EPHB4: variants seen among roughly 807,000 people sequenced by gnomAD.
EPHB4 encodes EPH receptor B4.
EPHB4 carries 50 observed loss-of-function variants against 110.6 expected under a neutral mutation model. That is an observed-to-expected ratio of 0.45 (90% CI 0.36 to 0.57). The LOEUF (loss-of-function observed/expected upper bound fraction) is 0.57, where lower values mean the gene tolerates loss of function less well. Ranked by LOEUF, EPHB4 falls within the 20% of genes least tolerant of loss-of-function variation. The pLI is 0.00. For missense variants in EPHB4, 1,128 were observed against 1,382.1 expected, an observed-to-expected ratio of 0.82 and a Z score of 2.91; for synonymous variants, 592 against 578.4, an observed-to-expected ratio of 1.02 and a Z score of -0.34.
chr7:100,818,156 C>T (rs1287541106), intron 7 of EPHB4, among the ~76,000 whole-genome samples: 1 of 151,970 alleles, frequency 6.6e-6, no homozygotes, highest in Non-Finnish European at 1.5e-5. Context: ...CGTAAGCTAC[C>T]GCGCCCGGCC....
rs761022937 is a variant in EPHB4 at position 100,819,645 on chromosome 7, G to C, written c.1209C>G (p.Thr403=). The part of the protein sequence containing the change: ...VRGLRPDFTY[T]FEVTALNGVS... ...CCCCGTTCAATGCAGTGACCTCAAAGGTATAGGTGAAGTCAGGACGTAGCC... is the reference window on the plus strand; with the variant it reads ...CCCCGTTCAATGCAGTGACCTCAAACGTATAGGTGAAGTCAGGACGTAGCC... The change falls in exon 6 of 17, where the codon ACC becomes ACG. Residue 403 remains threonine, a synonymous_variant. Coordinates refer to ENST00000358173, the MANE Select transcript of EPHB4 (RefSeq NM_004444.5). 2.5e-6 allele frequency: 4 copies of C among 1,613,124 alleles called. No individual in the cohort carries two copies. The highest frequency in any genetic ancestry group is 3.4e-6 in the Non-Finnish European group (4 of 1,179,332).
intron 8 of EPHB4, among the ~76,000 whole-genome samples, chr7:100,816,966 C>A (rs1373152966): frequency 6.6e-6 from 1 of 151,776 alleles, no homozygotes; most frequent in East Asian, 2.0e-4. Context: ...GCCTGTAATC[C>A]CAGCTACTCG....
intron 1 of EPHB4, among the ~76,000 whole-genome samples, chr7:100,826,118 A>G (rs972182021): frequency 6.6e-6 from 1 of 152,166 alleles, no homozygotes; most frequent in Non-Finnish European, 1.5e-5. Flanking sequence ...CAGCTCACTG[A>G]AAGGACATTA....
chr7:100,824,449 C>T (rs1023055762), intron 1 of EPHB4, 176 bp from the exon 2 acceptor site: 1 of 647,562 alleles, frequency 1.5e-6, no homozygotes, highest in Non-Finnish European at 2.7e-6. Flanking sequence ...GCCTCTTCTG[C>T]TAAGTGCCAA....
intron 4 of EPHB4, among the ~76,000 whole-genome samples, chr7:100,820,753 GCAA>G (rs555283392): frequency 2.4e-4 from 37 of 152,288 alleles, no homozygotes; most frequent in Admixed American, 2.3e-3. Context: ...TTGGGCTACA[GCAA>G]CATTTGTGCT....
rs200237754 is a variant in EPHB4 at position 100,823,636 on chromosome 7, C to T, written c.411+8G>A. On this transcript the variant is annotated splice_region_variant and intron_variant, in intron 3 of 16. Coordinates refer to ENST00000358173, the MANE Select transcript of EPHB4 (RefSeq NM_004444.5). Reference sequence around the variant, plus strand: ...GGCTGTGGCTGAGCCCTGGGGGCACCCAGGTACCTTGATGTAGGGGTTCTC... The same window carrying T: ...GGCTGTGGCTGAGCCCTGGGGGCACTCAGGTACCTTGATGTAGGGGTTCTC... 8.1e-6 allele frequency: 13 copies of T among 1,610,202 alleles called. No homozygotes were observed. In the Admixed American group the frequency reaches 1.7e-4, roughly 21 times the overall value.
chr7:100,827,084 C>A lies in EPHB4; in HGVS notation c.-54G>T, dbSNP rs929324650. The A allele has an allele frequency of 1.9e-6, 3 of 1,543,542 alleles. No homozygotes were observed. The highest frequency in any genetic ancestry group is 2.6e-6 in the Non-Finnish European group (3 of 1,142,222). On this transcript the variant is annotated 5_prime_UTR_variant, in exon 1 of 17. Coordinates refer to ENST00000358173, the MANE Select transcript of EPHB4 (RefSeq NM_004444.5). ...ACTGAGTTTGGGGGGCCCTCGCCCC[C>A]CCAGGTCTGACTCTCCCTGGGCGGG... is the stretch of plus-strand genomic sequence containing the variant.
intron 8 of EPHB4, among the ~76,000 whole-genome samples, 177 bp downstream of exon 8, chr7:100,817,015 G>A (rs543994879): frequency 4.4e-4 from 67 of 151,102 alleles, no homozygotes; most frequent in African/African-American, 1.6e-3. Flanking sequence ...TCCGGGAGGC[G>A]GAGGTTGCAG....
In EPHB4 at chr7:100,826,974, C is replaced by T; in HGVS notation, c.52+5G>A. 6.5e-7 allele frequency: 1 copy of T among 1,543,388 alleles called. No individual in the cohort carries two copies. The highest frequency in any genetic ancestry group is 8.8e-7 in the Non-Finnish European group (1 of 1,137,954). ...GGGTGCGCCCCCCCCCGCAAGGAAACTCACCTTCCAAAGCTGCGGCCAACG... is the reference window on the plus strand; with the variant it reads ...GGGTGCGCCCCCCCCCGCAAGGAAATTCACCTTCCAAAGCTGCGGCCAACG... On this transcript the variant is annotated splice_donor_5th_base_variant and intron_variant, in intron 1 of 16. Coordinates refer to ENST00000358173, the MANE Select transcript of EPHB4 (RefSeq NM_004444.5).
At position 100,817,336 on chromosome 7, in the gene EPHB4, C is replaced by G. The variant is rs768820666; in HGVS notation, c.1444G>C (p.Val482Leu). Reference protein sequence around the residue: ...HEKGAEGPSSVRFLKTSENRA... With the variant: ...HEKGAEGPSSLRFLKTSENRA... ...TTTTCTGACGTCTTCAGGAACCGCA[C>G]GCTGCTGGGACCCTCGGCGCCCTGT... The change falls in exon 8 of 17, where the codon GTG becomes CTG. Residue 482 changes from valine (V) to leucine (L), a missense_variant. This residue lies in a region of EPHB4 where 728 missense variants were observed against 828.6 expected (regional missense o/e 0.88). Coordinates refer to ENST00000358173, the MANE Select transcript of EPHB4 (RefSeq NM_004444.5). 5.7e-6 allele frequency: 9 copies of G among 1,580,774 alleles called. No homozygotes were observed. Among genetic ancestry groups the G allele is most frequent in the Middle Eastern group, 1.9e-4 (1 of 5,232 alleles).
At chr7:100,813,542 C>T in intron 10 of EPHB4, 110 bp downstream of exon 10, 1 of 1,193,370 alleles carries the variant, frequency 8.4e-7, no homozygotes, top group Non-Finnish European at 1.2e-6. Context: ...TCTCGAACTC[C>T]TGACCTCAAG....
chr7:100,817,348 C>T lies in EPHB4; in HGVS notation c.1432G>A (p.Gly478Ser), dbSNP rs1295858477. 1 of 1,568,980 alleles carries T rather than the reference C, an allele frequency of 6.4e-7. No homozygotes were observed. The highest frequency in any genetic ancestry group is 1.8e-5 in the Admixed American group (1 of 54,082). Residue 478 changes from glycine (G) to serine (S), a missense_variant, in exon 8 of 17, where the codon GGT (glycine) becomes AGT (serine). By Grantham distance (56) the Gly-to-Ser change is moderately conservative. Transcript: ENST00000358173. ...TTCAGGAACCGCACGCTGCTGGGAC[C>T]CTCGGCGCCCTGTCCGGGAGAGGTA... ...EVKYHEKGAEGPSSVRFLKTS... is the reference protein window; with the variant it reads ...EVKYHEKGAESPSSVRFLKTS...
At chr7:100,813,770 G>A (rs779699452) in intron 9 of EPHB4, 54 bp from the exon 10 acceptor site, 18 of 1,611,234 alleles carry the variant, frequency 1.1e-5, no homozygotes, top group Non-Finnish European at 1.4e-5. Flanking sequence ...ATCTTTATGA[G>A]GCACACACAC....
intron 8 of EPHB4, among the ~76,000 whole-genome samples, chr7:100,814,517 C>G (rs904129210): frequency 6.6e-6 from 1 of 152,118 alleles, no homozygotes; most frequent in African/African-American, 2.4e-5. Flanking sequence ...TAGGCATGCC[C>G]AGCCGCCAGA....
chr7:100,805,803 C>T (rs1301581960), intron 14 of EPHB4, 109 bp from the exon 15 acceptor site: 3 of 1,122,018 alleles, frequency 2.7e-6, no homozygotes, highest in East Asian at 2.9e-5. Flanking sequence ...GCCACAGCCC[C>T]CCAAAAAATA....
At chr7:100,826,744 A>C in intron 1 of EPHB4, 11 of 427,648 alleles carry the variant, frequency 2.6e-5, no homozygotes, top group Admixed American at 7.1e-5. Context: ...GGGCAGGGGA[A>C]TGTCCCGGGT....
At chr7:100,804,407 C>T (rs1280028248) in intron 16 of EPHB4, among the ~76,000 whole-genome samples, 1 of 145,920 alleles carries the variant, frequency 6.9e-6, no homozygotes, top group Non-Finnish European at 1.5e-5. Flanking sequence ...CTCCACCTCC[C>T]GGGTTCAAGC....
intron 8 of EPHB4, among the ~76,000 whole-genome samples, chr7:100,815,002 G>C (rs1813031818): frequency 6.6e-6 from 1 of 151,980 alleles, no homozygotes; most frequent in South Asian, 2.1e-4. Flanking sequence ...GGGTGACAAA[G>C]CAAAATCGTG....
chr7:100,813,030 G>A (rs762681654), intron 11 of EPHB4, 36 bp from the exon 12 acceptor site: 23 of 1,611,994 alleles, frequency 1.4e-5, no homozygotes, highest in East Asian at 2.2e-5. Context: ...CAGCTCTCCC[G>A]CTCCAGTGTG....
Sources: gnomAD v4.1 joint callset for allele counts (sites outside exome capture counted in the v4.1 genomes callset) on GRCh38, gnomAD v4.1.1 for gene constraint, gnomAD v4.1.1 regional missense constraint, MANE v1.5 for transcripts, NCBI Gene and HGNC (gene_info 2026-07-23, HGNC 2026-07-21) for gene names.